The following TMEM135 variants were observed in gnomAD, a reference collection of about 807,000 sequenced individuals.
TMEM135 encodes transmembrane protein 135.
A neutral mutation model predicts 60.3 loss-of-function variants in TMEM135; 30 were observed. The observed-to-expected ratio is 0.50, with a 90% confidence interval of 0.37 to 0.68. The LOEUF (loss-of-function observed/expected upper bound fraction) is 0.68, where lower values mean the gene tolerates loss of function less well. Ranked by LOEUF, TMEM135 falls within the 30% of genes least tolerant of loss-of-function variation. The pLI, the probability that TMEM135 is intolerant of heterozygous loss-of-function variation, is 0.00. For missense variants in TMEM135, 468 were observed against 548.8 expected (o/e 0.85, Z 1.47); for synonymous variants, 190 against 186.7 (o/e 1.02, Z -0.14).
intron 5 of TMEM135, among the ~76,000 whole-genome samples, chr11:87,187,439 C>T (rs17820920): frequency 0.05 from 7,640 of 152,222 alleles, 233 homozygotes; most frequent in Non-Finnish European, 0.06. Flanking sequence ...ACACTAACTG[C>T]CAAATCTAAT....
intron 5 of TMEM135, chr11:87,157,950 A>G (rs1434989897): frequency 6.5e-6 from 1 of 152,852 alleles, no homozygotes; most frequent in Non-Finnish European, 1.5e-5. Context: ...TGTTAAAATT[A>G]TTACCAGCTT....
intron 3 of TMEM135, among the ~76,000 whole-genome samples, chr11:87,076,276 C>T (rs955356947): frequency 3.3e-5 from 5 of 152,216 alleles, no homozygotes; most frequent in African/African-American, 1.2e-4. Context: ...CTTCCCTCCC[C>T]TTTCCACAGG....
At chr11:87,320,031 G>A (rs1269282192) in intron 14 of TMEM135, among the ~76,000 whole-genome samples, 2 of 152,160 alleles carry the variant, frequency 1.3e-5, no homozygotes, top group African/African-American at 4.8e-5. Context: ...GATGCTTATA[G>A]TAGCGCTGGG....
intron 5 of TMEM135, among the ~76,000 whole-genome samples, chr11:87,209,022 C>T (rs1053360738): frequency 6.6e-6 from 1 of 152,130 alleles, no homozygotes; most frequent in Non-Finnish European, 1.5e-5. Context: ...CGCTAAAGGA[C>T]TTTGTTACGA....
At chr11:87,040,850 C>T (rs1949744756) in intron 1 of TMEM135, among the ~76,000 whole-genome samples, 2 of 152,136 alleles carry the variant, frequency 1.3e-5, no homozygotes, top group Admixed American at 6.5e-5. Flanking sequence ...TTTTCTTCCT[C>T]CCTTCTCCGG....
chr11:87,088,811 C>G (rs1318281219), intron 3 of TMEM135, among the ~76,000 whole-genome samples: 2 of 152,134 alleles, frequency 1.3e-5, no homozygotes, highest in Non-Finnish European at 2.9e-5. Flanking sequence ...CTGTGAATGA[C>G]AAAATGTCCA....
chr11:87,293,500 TC>T (rs1442685225), intron 6 of TMEM135, among the ~76,000 whole-genome samples: 2 of 152,074 alleles, frequency 1.3e-5, no homozygotes, highest in South Asian at 2.1e-4. Context: ...TCCTCCAACT[TC>T]CCTCCCCTCA....
At chr11:87,113,355 A>G (rs764817032) in intron 4 of TMEM135, among the ~76,000 whole-genome samples, 4 of 152,124 alleles carry the variant, frequency 2.6e-5, no homozygotes, top group Non-Finnish European at 4.4e-5. Flanking sequence ...ATGCACCTTG[A>G]CAATGTAGGC....
intron 6 of TMEM135, among the ~76,000 whole-genome samples, chr11:87,237,817 A>G (rs1047176293): frequency 1.3e-5 from 2 of 151,020 alleles, no homozygotes; most frequent in Admixed American, 6.6e-5. Flanking sequence ...CCTGCTCCCC[A>G]CTACTCTTAC....
chr11:87,147,916 C>T (rs1938459346), intron 4 of TMEM135, among the ~76,000 whole-genome samples: 1 of 152,138 alleles, frequency 6.6e-6, no homozygotes, highest in Non-Finnish European at 1.5e-5. Flanking sequence ...CACCACCATG[C>T]CTAGCTAATT....
At chr11:87,215,362 A>G (rs1940478668) in intron 5 of TMEM135, among the ~76,000 whole-genome samples, 1 of 152,194 alleles carries the variant, frequency 6.6e-6, no homozygotes, top group African/African-American at 2.4e-5. Context: ...TCTGTGAGTC[A>G]GTAATTTGGT....
At chr11:87,295,849 A>C in intron 7 of TMEM135, 26 bp downstream of exon 7, 1 of 1,581,410 alleles carries the variant, frequency 6.3e-7, no homozygotes, top group South Asian at 1.1e-5. Flanking sequence ...TTTTATGTTG[A>C]GAGAGAATTT....
intron 4 of TMEM135, among the ~76,000 whole-genome samples, chr11:87,153,831 A>C (rs1442209379): frequency 1.3e-5 from 2 of 152,226 alleles, no homozygotes; most frequent in Non-Finnish European, 2.9e-5. Context: ...TGTATATTAC[A>C]GTGTTCTACA....
At chr11:87,259,344 G>A in intron 6 of TMEM135, 1 of 311,354 alleles carries the variant, frequency 3.2e-6, no homozygotes. Context: ...GATAATTTTT[G>A]AAATGAATGA....
intron 4 of TMEM135, among the ~76,000 whole-genome samples, chr11:87,132,142 G>A (rs1937950440): frequency 6.6e-6 from 1 of 152,064 alleles, no homozygotes; most frequent in Admixed American, 6.6e-5. Context: ...GATAAATAAA[G>A]TGAACAGTAA....
At chr11:87,272,198 C>T (rs1408521322) in intron 6 of TMEM135, among the ~76,000 whole-genome samples, 3 of 151,324 alleles carry the variant, frequency 2.0e-5, no homozygotes, top group African/African-American at 7.3e-5. Context: ...AGATTACAGG[C>T]ACCCGCCACC....
intron 5 of TMEM135, among the ~76,000 whole-genome samples, chr11:87,227,956 A>G (rs1430166312): frequency 1.3e-5 from 2 of 152,206 alleles, no homozygotes; most frequent in African/African-American, 4.8e-5. Flanking sequence ...GTATCTACGT[A>G]TGTGGTTCTA....
intron 5 of TMEM135, among the ~76,000 whole-genome samples, chr11:87,231,954 CT>C (rs756771540): frequency 0.081 from 11,470 of 141,862 alleles, 447 homozygotes; most frequent in South Asian, 0.12. Flanking sequence ...AGAAAAGAGA[CT>C]TTTTTTTTTT....
intron 6 of TMEM135, among the ~76,000 whole-genome samples, chr11:87,263,946 A>G (rs1941700645): frequency 6.6e-6 from 1 of 152,024 alleles, no homozygotes; most frequent in South Asian, 2.1e-4. Flanking sequence ...TGTGATGGCA[A>G]GCCTTTTAGA....
Sources: allele counts gnomAD v4.1 joint callset (sites outside exome capture counted in the v4.1 genomes callset), GRCh38; gene constraint gnomAD v4.1.1; transcripts MANE v1.5; gene names NCBI Gene and HGNC (gene_info 2026-07-23, HGNC 2026-07-21).